SDK1: variants seen among roughly 807,000 people sequenced by gnomAD.
SDK1 encodes protein sidekick-1.
Under a neutral mutation model 245.5 loss-of-function variants are expected in SDK1, and 157 were observed. The ratio of observed to expected loss-of-function variants is 0.64; its 90% CI spans 0.56 to 0.73. The LOEUF is 0.73. Among genes scored for constraint, SDK1 ranks in the 30% least tolerant of loss-of-function variants. SDK1 has a pLI of 0.00. For missense variants in SDK1, 3,583 were observed against 3,002.3 expected (o/e 1.19, Z -4.52); for synonymous variants, 1,647 against 1,278.5 (o/e 1.29, Z -6.15).
chr7:3,508,963 G>A (rs1583973671), intron 1 of SDK1, among the ~76,000 whole-genome samples: 1 of 152,316 alleles, frequency 6.6e-6, no homozygotes, highest in Non-Finnish European at 1.5e-5. Context: ...TATCTGCACT[G>A]TTTTAATAGA....
intron 22 of SDK1, among the ~76,000 whole-genome samples, chr7:4,081,734 A>G (rs1781073692): frequency 6.6e-6 from 1 of 152,176 alleles, no homozygotes; most frequent in African/African-American, 2.4e-5. Context: ...GAGGTTTTAC[A>G]TTTTTAATGT....
intron 31 of SDK1, among the ~76,000 whole-genome samples, chr7:4,159,634 G>A (rs1780990695): frequency 6.6e-6 from 1 of 152,248 alleles, no homozygotes; most frequent in Non-Finnish European, 1.5e-5. Context: ...TATATGGGGT[G>A]GTCCAGGGCC....
At chr7:3,700,950 A>G (rs1784720934) in intron 4 of SDK1, among the ~76,000 whole-genome samples, 2 of 152,076 alleles carry the variant, frequency 1.3e-5, no homozygotes, top group African/African-American at 4.8e-5. Flanking sequence ...AGATTGGTAG[A>G]GTAAAGAAAA....
At chr7:3,509,180 T>C (rs1298185152) in intron 1 of SDK1, among the ~76,000 whole-genome samples, 1 of 152,142 alleles carries the variant, frequency 6.6e-6, no homozygotes, top group African/African-American at 2.4e-5. Context: ...AAGATTAAGT[T>C]GTGTTAGACA....
chr7:3,375,560 A>G (rs1203887056), intron 1 of SDK1, among the ~76,000 whole-genome samples: 1 of 152,212 alleles, frequency 6.6e-6, no homozygotes, highest in African/African-American at 2.4e-5. Context: ...AGGGTAAATC[A>G]TACAAGACAT....
chr7:3,315,364 A>T (rs1583671243), intron 1 of SDK1, among the ~76,000 whole-genome samples: 1 of 151,708 alleles, frequency 6.6e-6, no homozygotes, highest in South Asian at 2.1e-4. Flanking sequence ...GGTCCAGAGA[A>T]GTTAAGGTCA....
intron 1 of SDK1, among the ~76,000 whole-genome samples, chr7:3,415,824 T>C (rs766651322): frequency 1.3e-5 from 2 of 152,100 alleles, no homozygotes; most frequent in Non-Finnish European, 2.9e-5. Flanking sequence ...TGCCTAGCAC[T>C]TAAGTGTGAA....
intron 1 of SDK1, among the ~76,000 whole-genome samples, chr7:3,445,575 G>T (rs926792322): frequency 6.6e-6 from 1 of 152,124 alleles, no homozygotes; most frequent in African/African-American, 2.4e-5. Context: ...TCCTCACCTG[G>T]TTGCTCCTAA....
At chr7:3,877,787 T>C (rs1283668444) in intron 5 of SDK1, among the ~76,000 whole-genome samples, 2 of 152,252 alleles carry the variant, frequency 1.3e-5, no homozygotes, top group East Asian at 3.8e-4. Flanking sequence ...CTCAGTGCTC[T>C]ATCACAGACA....
chr7:4,230,400 C>CAGGGGAGGGA (rs1001092249), intron 40 of SDK1, among the ~76,000 whole-genome samples: 1 of 80,262 alleles, frequency 1.2e-5, no homozygotes, highest in African/African-American at 5.0e-5. Flanking sequence ...GAAGGGAGGG[C>CAGGGGAGGGA]AGGGGAGGGA....
intron 9 of SDK1, among the ~76,000 whole-genome samples, chr7:3,964,210 A>C (rs1781919647): frequency 6.6e-6 from 1 of 152,194 alleles, no homozygotes; most frequent in South Asian, 2.1e-4. Flanking sequence ...AGACCAGGAG[A>C]GCCAGCTCTC....
At chr7:3,703,297 C>T (rs1485053003) in intron 4 of SDK1, among the ~76,000 whole-genome samples, 1 of 152,084 alleles carries the variant, frequency 6.6e-6, no homozygotes, top group East Asian at 1.9e-4. Context: ...AAGGAGTGAG[C>T]CGTTAATAAT....
intron 1 of SDK1, among the ~76,000 whole-genome samples, chr7:3,318,642 C>T (rs1019745833): frequency 2.6e-5 from 4 of 152,162 alleles, no homozygotes; most frequent in African/African-American, 9.7e-5. Context: ...TATCTTCTCT[C>T]CTACTTACCT....
chr7:3,679,800 G>T (rs923715158), intron 4 of SDK1, among the ~76,000 whole-genome samples: 12 of 152,314 alleles, frequency 7.9e-5, no homozygotes, highest in African/African-American at 2.9e-4. Context: ...TGTATTGCTA[G>T]CTGCTGTGTA....
intron 4 of SDK1, among the ~76,000 whole-genome samples, chr7:3,715,406 C>T (rs1785171026): frequency 6.6e-6 from 1 of 152,130 alleles, no homozygotes; most frequent in Non-Finnish European, 1.5e-5. Flanking sequence ...TGGCACTAGT[C>T]AAGACTGACA....
chr7:3,740,064 G>A (rs1779433726), intron 4 of SDK1, among the ~76,000 whole-genome samples: 2 of 152,246 alleles, frequency 1.3e-5, no homozygotes, highest in East Asian at 1.9e-4. Context: ...AATTATTTGA[G>A]GGATAAATCT....
chr7:3,819,369 C>T (rs917176105), intron 4 of SDK1, among the ~76,000 whole-genome samples: 5 of 151,758 alleles, frequency 3.3e-5, no homozygotes, highest in Admixed American at 1.3e-4. Context: ...ATTTTCAATA[C>T]TCTTGAAATA....
intron 28 of SDK1, among the ~76,000 whole-genome samples, chr7:4,139,804 G>T (rs1269509399): frequency 6.6e-6 from 1 of 152,010 alleles, no homozygotes; most frequent in Non-Finnish European, 1.5e-5. Context: ...GGGACTGAGG[G>T]GCTGAGAGCT....
chr7:3,333,807 G>C (rs1445328640), intron 1 of SDK1, among the ~76,000 whole-genome samples: 2 of 152,204 alleles, frequency 1.3e-5, no homozygotes, highest in Non-Finnish European at 2.9e-5. Flanking sequence ...AAATTTCTTG[G>C]TGAATTGTTG....
Sources: allele counts gnomAD v4.1 joint callset (sites outside exome capture counted in the v4.1 genomes callset), GRCh38; gene constraint gnomAD v4.1.1; transcripts MANE v1.5; gene names NCBI Gene and HGNC (gene_info 2026-07-23, HGNC 2026-07-21).